Variants in UBAP2 observed in about 807,000 individuals in gnomAD.
UBAP2 encodes the protein ubiquitin-associated protein 2.
A neutral mutation model predicts 139.6 loss-of-function variants in UBAP2; 75 were observed. The observed-to-expected ratio is 0.54, with a 90% CI of 0.45 to 0.65. The LOEUF is 0.65. UBAP2 is among the 30% of genes least tolerant of loss of function. UBAP2 has a pLI of 0.00. For missense variants in UBAP2, 1,368 were observed against 1,369.6 expected, an observed-to-expected ratio of 1.00 and a Z score of 0.02; for synonymous variants, 526 against 526.2, an observed-to-expected ratio of 1.00 and a Z score of 0.01.
At chr9:34,038,618 G>A (rs1443477048) in intron 1 of UBAP2, among the ~76,000 whole-genome samples, 1 of 152,124 alleles carries the variant, frequency 6.6e-6, no homozygotes, top group African/African-American at 2.4e-5. Flanking sequence ...GCAGTGGCGT[G>A]ATCTCGGCTC....
intron 2 of UBAP2, among the ~76,000 whole-genome samples, chr9:34,008,961 CAAAAAAAA>C (rs773189067): frequency 3.5e-4 from 23 of 65,720 alleles, no homozygotes; most frequent in Non-Finnish European, 5.5e-4. Context: ...GAGACTGTCT[CAAAAAAAA>C]AAAAAAAAAA....
Position 33,940,826 on chromosome 9 carries a change from CAT to C in UBAP2, c.1929+821_1929+822del, listed in dbSNP as rs143989390. ...CAGAATTGCTCACACTGAATGCTCACATATTAATTTTTAGCATTTCTTATCAA... is the reference window on the plus strand; with the variant it reads ...CAGAATTGCTCACACTGAATGCTCACATTAATTTTTAGCATTTCTTATCAA... On this transcript the variant is annotated intron_variant, in intron 16 of 28. Transcript: ENST00000379238. 2.8e-4 allele frequency among the ~76,000 whole-genome samples: 43 copies of C among 152,274 alleles called. No individual in the cohort carries two copies. In the East Asian group the frequency reaches 8.3e-3, roughly 29 times the overall value.
chr9:34,045,476 C>T (rs1490045231), intron 1 of UBAP2, among the ~76,000 whole-genome samples: 2 of 152,036 alleles, frequency 1.3e-5, no homozygotes, highest in Non-Finnish European at 2.9e-5. Context: ...CAGGTTCAAG[C>T]AATTCTACCG....
intron 11 of UBAP2, among the ~76,000 whole-genome samples, chr9:33,954,163 T>C (rs1826340228): frequency 6.6e-6 from 1 of 151,976 alleles, no homozygotes; most frequent in Non-Finnish European, 1.5e-5. Flanking sequence ...TGCTTTGGCC[T>C]CCCAAAGTGC....
intron 8 of UBAP2, among the ~76,000 whole-genome samples, chr9:33,964,296 C>T (rs547007579): frequency 6.6e-6 from 1 of 152,270 alleles, no homozygotes; most frequent in South Asian, 2.1e-4. Flanking sequence ...ACAGCCAGCA[C>T]CATCAGCTGA....
intron 3 of UBAP2, chr9:33,997,035 C>T (rs898862300): frequency 6.6e-6 from 1 of 151,948 alleles, no homozygotes; most frequent in African/African-American, 2.4e-5. Flanking sequence ...CCTGTCTCCC[C>T]CCTCAAAAAA....
At chr9:33,945,482 AG>A (rs1825588089) in intron 13 of UBAP2, among the ~76,000 whole-genome samples, 1 of 132,244 alleles carries the variant, frequency 7.6e-6, no homozygotes, top group Non-Finnish European at 1.6e-5. Context: ...CCTGGGTGAC[AG>A]ACTGGGTGAC....
At chr9:34,009,862 C>T (rs1181397922) in intron 2 of UBAP2, among the ~76,000 whole-genome samples, 1 of 141,224 alleles carries the variant, frequency 7.1e-6, no homozygotes, top group Non-Finnish European at 1.5e-5. Context: ...GGCTGGAGTA[C>T]AATGGTGGGA....
intron 2 of UBAP2, among the ~76,000 whole-genome samples, chr9:34,002,716 A>G (rs897828804): frequency 4.6e-5 from 7 of 151,792 alleles, no homozygotes; most frequent in Non-Finnish European, 1.0e-4. Context: ...TGTGTCGGCT[A>G]GGCTGGAGTG....
intron 6 of UBAP2, among the ~76,000 whole-genome samples, chr9:33,982,370 G>A (rs959334873): frequency 1.5e-4 from 23 of 152,096 alleles, no homozygotes; most frequent in African/African-American, 4.6e-4. Context: ...CCACACTTAC[G>A]ACAACTTACT....
Position 33,941,731 on chromosome 9 carries a change from G to A in UBAP2, c.1847C>T (p.Ser616Phe), listed in dbSNP as rs1348023977. 11 of 1,614,018 alleles carry A rather than the reference G, an allele frequency of 6.8e-6. No individual in the cohort carries two copies. The highest frequency in any genetic ancestry group is 1.7e-5 in the Admixed American group (1 of 60,002). The change falls in exon 16 of 29, where the codon TCT (serine) becomes TTT (phenylalanine). Residue 616 changes from serine to phenylalanine, a missense_variant. Transcript: ENST00000379238. ...GTTATGCACAGAACTCTGGTCATAA[G>A]AGGAAGACATTGCTACTGGACTAGC... is the stretch of plus-strand genomic sequence containing the variant. ...NSASPVAMSS[S>F]YDQSSVHNRI...
chr9:33,998,948 C>G, intron 2 of UBAP2, 84 bp from the exon 3 acceptor site: 1 of 1,074,572 alleles, frequency 9.3e-7, no homozygotes, highest in African/African-American at 1.6e-5. Flanking sequence ...AGATAAGGCT[C>G]TCAAGCACTA....
chr9:34,002,535 G>A (rs973900416), intron 2 of UBAP2, among the ~76,000 whole-genome samples: 5 of 151,814 alleles, frequency 3.3e-5, no homozygotes, highest in East Asian at 1.9e-4. Flanking sequence ...ATGCCACCAC[G>A]CCTGGCTAAT....
rs1481990128 is a variant in UBAP2, at chr9:33,922,677, CTG to C, written c.3264+8_3264+9del. The C allele has an allele frequency of 6.4e-7, 1 of 1,558,848 alleles. No individual in the cohort carries two copies. The highest frequency in any genetic ancestry group is 1.4e-5 in the African/African-American group (1 of 73,444). Reference sequence around the variant, plus strand: ...CAGAGTAGGGTGGCTGCCTCCATCACTGTACTCACCTGTGCATCCTGCGGAAG... The same window carrying C: ...CAGAGTAGGGTGGCTGCCTCCATCACTACTCACCTGTGCATCCTGCGGAAG... On this transcript the variant is annotated splice_region_variant and intron_variant, in intron 28 of 28. Coordinates refer to ENST00000379238, the MANE Select transcript of UBAP2 (RefSeq NM_001370062.2).
chr9:34,041,082 G>GA (rs1306385804), intron 1 of UBAP2, among the ~76,000 whole-genome samples: 2 of 152,054 alleles, frequency 1.3e-5, no homozygotes, highest in African/African-American at 4.8e-5. Flanking sequence ...CAAAAAACTG[G>GA]AAATGAGACA....
chr9:33,978,779 C>A (rs1820384130), intron 6 of UBAP2, among the ~76,000 whole-genome samples: 1 of 150,884 alleles, frequency 6.6e-6, no homozygotes, highest in African/African-American at 2.4e-5. Context: ...GACTACGTCT[C>A]AAAAAAAAGA....
chr9:33,939,579 G>T (rs1057163489), intron 16 of UBAP2, among the ~76,000 whole-genome samples: 2 of 149,112 alleles, frequency 1.3e-5, no homozygotes, highest in African/African-American at 5.0e-5. Context: ...GTAACATGAT[G>T]AAACCCCATC....
intron 16 of UBAP2, among the ~76,000 whole-genome samples, chr9:33,941,346 A>G (rs1266810073): frequency 2.0e-5 from 3 of 152,358 alleles, no homozygotes; most frequent in Non-Finnish European, 2.9e-5. Context: ...AAAGCAGTAC[A>G]TGAAATATTC....
intron 6 of UBAP2, among the ~76,000 whole-genome samples, chr9:33,981,512 T>G (rs894743607): frequency 6.8e-6 from 1 of 146,118 alleles, no homozygotes; most frequent in African/African-American, 2.5e-5. Flanking sequence ...CACATCATCA[T>G]GCCCGGCTAA....
Sources: allele counts gnomAD v4.1 joint callset (sites outside exome capture counted in the v4.1 genomes callset), GRCh38; gene constraint gnomAD v4.1.1; transcripts MANE v1.5; gene names NCBI Gene and HGNC (gene_info 2026-07-23, HGNC 2026-07-21).